AP2B1: variants seen among roughly 807,000 people sequenced by gnomAD.
AP2B1 encodes the protein AP-2 complex subunit beta.
A neutral mutation model predicts 102.0 loss-of-function variants in AP2B1; 23 were observed. The observed-to-expected ratio is 0.23, with a 90% CI of 0.16 to 0.32. The LOEUF is 0.32. AP2B1 is among the 10% of genes least tolerant of loss of function. AP2B1 has a pLI of 1.00. For synonymous variants in AP2B1, 381 were observed against 421.2 expected, an observed-to-expected ratio of 0.90 and a Z score of 1.17; for missense variants, 541 against 1,157.4, an observed-to-expected ratio of 0.47 and a Z score of 7.73.
intron 18 of AP2B1, among the ~76,000 whole-genome samples, chr17:35,700,945 T>C (rs8067294): frequency 0.5 from 75,743 of 152,078 alleles, 18,917 homozygotes; most frequent in East Asian, 0.52. Context: ...AATATTGTTA[T>C]GGTCACATGT....
rs1227680060 is a variant in AP2B1, at chr17:35,605,723, A to G, written c.162A>G (p.Val54=). 6 of 1,612,916 alleles carry G rather than the reference A, an allele frequency of 3.7e-6. No individual in the cohort carries two copies. The highest frequency in any genetic ancestry group is 1.3e-5 in the African/African-American group (1 of 74,980). The part of the protein sequence containing the change: ...GKDVSSLFPD[V]VNCMQTDNLE... The stretch of plus-strand genomic sequence containing the variant: ...TTCTCAGTTCTCTCTTTCCAGACGT[A>G]GTGAACTGTATGCAGACTGACAATC... The change falls in exon 4 of 22, where the codon GTA becomes GTG. Residue 54 remains valine, a synonymous_variant. Transcript: ENST00000610402.
chr17:35,650,268 T>C (rs1243891486), intron 12 of AP2B1, among the ~76,000 whole-genome samples: 1 of 152,072 alleles, frequency 6.6e-6, no homozygotes, highest in Non-Finnish European at 1.5e-5. Flanking sequence ...TGATTTTTTA[T>C]ATTTTTTGTA....
In AP2B1 at chr17:35,626,976, G is replaced by T. The variant is rs563349344; in HGVS notation, c.938+134G>T. ...AAAATGTTATATGGCAGAAAAACTT[G>T]CTTGCCTAGCACCAGGAGGCTAACA... On this transcript the variant is annotated intron_variant, in intron 7 of 21. Transcript: ENST00000610402. 7.0e-5 allele frequency: 59 copies of T among 840,662 alleles called. 1 individual carries two copies. In the South Asian group the frequency reaches 1.0e-3, roughly 14 times the overall value. The allele number at this position is 840,662 out of a possible 1,614,324, so 52.1% of individuals were successfully genotyped here. A position where few individuals can be genotyped will look rare whatever the true frequency, so the allele number is the denominator to read the frequency against.
chr17:35,717,172 G>A (rs1555590327), intron 20 of AP2B1, 23 bp from the exon 21 acceptor site: 2 of 1,611,376 alleles, frequency 1.2e-6, no homozygotes, highest in Non-Finnish European at 1.7e-6. Context: ...TGAAGGTGTT[G>A]GATTTTGAAT....
chr17:35,647,889 T>A (rs2074978579), intron 12 of AP2B1, among the ~76,000 whole-genome samples: 1 of 39,100 alleles, frequency 2.6e-5, no homozygotes, highest in Non-Finnish European at 4.3e-5. Flanking sequence ...TTTTGGGGGT[T>A]TGTTTTTTTT....
chr17:35,709,092 T>G (rs1456591165), intron 18 of AP2B1, 132 bp from the exon 19 acceptor site: 1 of 736,318 alleles, frequency 1.4e-6, no homozygotes, highest in East Asian at 2.7e-5. Context: ...CCAGTTTGTT[T>G]GATTTGGGGA....
At chr17:35,646,010 T>TA (rs2074922820) in intron 12 of AP2B1, among the ~76,000 whole-genome samples, 1 of 152,252 alleles carries the variant, frequency 6.6e-6, no homozygotes, top group South Asian at 2.1e-4. Context: ...TACTAGGCCC[T>TA]ACTTTTGATG....
chr17:35,610,790 C>G (rs1373712242), intron 5 of AP2B1, among the ~76,000 whole-genome samples: 1 of 151,900 alleles, frequency 6.6e-6, no homozygotes, highest in Non-Finnish European at 1.5e-5. Context: ...GCCTATCGTC[C>G]CAGCTACTCA....
At position 35,723,778 on chromosome 17, in the gene AP2B1, T is replaced by C; in HGVS notation, c.*79T>C. On this transcript the variant is annotated 3_prime_UTR_variant, in exon 22 of 22. Transcript: ENST00000610402. ...TCTTAACTGGAAGAAATTGTATTGC[T>C]GCGTAGAATCTGAACACACTGAGGC... is the stretch of plus-strand genomic sequence containing the variant. 9.0e-7 allele frequency: 1 copy of C among 1,112,264 alleles called. No homozygotes were observed. The highest frequency in any genetic ancestry group is 1.4e-6 in the Non-Finnish European group (1 of 728,426). 68.9% of individuals were successfully genotyped at this position (1,112,264 alleles called of 1,614,324 possible). A position where few individuals can be genotyped will look rare whatever the true frequency, so the allele number is the denominator to read the frequency against.
At chr17:35,641,490 A>G (rs1413743805) in intron 11 of AP2B1, among the ~76,000 whole-genome samples, 1 of 152,074 alleles carries the variant, frequency 6.6e-6, no homozygotes, top group Non-Finnish European at 1.5e-5. Flanking sequence ...AGGCAGGAGG[A>G]TTGCTTGAGT....
intron 9 of AP2B1, among the ~76,000 whole-genome samples, chr17:35,634,607 T>C (rs1328293068): frequency 6.6e-6 from 1 of 152,230 alleles, no homozygotes; most frequent in African/African-American, 2.4e-5. Flanking sequence ...AACTCCATTT[T>C]ATAGATTAAT....
intron 12 of AP2B1, 65 bp from the exon 13 acceptor site, chr17:35,650,465 G>A: frequency 1.3e-6 from 2 of 1,557,794 alleles, no homozygotes; most frequent in African/African-American, 1.4e-5. Flanking sequence ...GATAAATCCA[G>A]CAGTTTGGGT....
intron 12 of AP2B1, among the ~76,000 whole-genome samples, chr17:35,645,247 T>A (rs2142770642): frequency 6.6e-6 from 1 of 152,266 alleles, no homozygotes; most frequent in South Asian, 2.1e-4. Context: ...TAACTTAAAT[T>A]GGGTAGTGAG....
intron 3 of AP2B1, among the ~76,000 whole-genome samples, chr17:35,598,855 C>G (rs899871331): frequency 2.6e-5 from 4 of 152,180 alleles, no homozygotes; most frequent in African/African-American, 7.2e-5. Context: ...TAAGGATTAT[C>G]CTAAGACCCT....
At chr17:35,685,954 G>C (rs1490513831) in intron 18 of AP2B1, among the ~76,000 whole-genome samples, 2 of 152,098 alleles carry the variant, frequency 1.3e-5, no homozygotes, top group Non-Finnish European at 2.9e-5. Flanking sequence ...TAGAGACGGG[G>C]TTTCACCAAT....
chr17:35,664,011 AGCC>A (rs1555572292), intron 14 of AP2B1, among the ~76,000 whole-genome samples: 8 of 152,306 alleles, frequency 5.3e-5, no homozygotes, highest in Middle Eastern at 3.4e-3. Flanking sequence ...CTCCCACCTC[AGCC>A]TCCCAAAGTG....
Position 35,722,020 on chromosome 17 carries a change from C to T in AP2B1, c.2782-1605C>T, listed in dbSNP as rs148315365. Among the ~76,000 whole-genome samples the T allele has an allele frequency of 4.6e-3, 698 of 152,218 alleles. 6 individuals carry two copies. Among genetic ancestry groups the T allele is most frequent in the African/African-American group, 0.015 (641 of 41,534 alleles). Reference sequence around the variant, plus strand: ...TTTTGGGAGGCCGAGGTGGGTGGATCACCTGAGGTCAAGAGTTCGAGACCA... The same window carrying T: ...TTTTGGGAGGCCGAGGTGGGTGGATTACCTGAGGTCAAGAGTTCGAGACCA... On this transcript the variant is annotated intron_variant, in intron 21 of 21. Coordinates refer to ENST00000610402, the MANE Select transcript of AP2B1 (RefSeq NM_001030006.2).
intron 15 of AP2B1, 129 bp from the exon 16 acceptor site, chr17:35,671,622 ACTC>A (rs1327210190): frequency 3.4e-6 from 3 of 880,016 alleles, no homozygotes; most frequent in Non-Finnish European, 5.3e-6. Flanking sequence ...TACTAATTTG[ACTC>A]CTAAGAATAT....
At chr17:35,608,963 A>G (rs865832288) in intron 5 of AP2B1, among the ~76,000 whole-genome samples, 3 of 152,192 alleles carry the variant, frequency 2.0e-5, no homozygotes, top group Admixed American at 1.3e-4. Context: ...CCCAAGTGAT[A>G]TGTTTGACTC....
Sources: gnomAD v4.1 joint callset for allele counts (sites outside exome capture counted in the v4.1 genomes callset) on GRCh38, gnomAD v4.1.1 for gene constraint, MANE v1.5 for transcripts, NCBI Gene and HGNC (gene_info 2026-07-23, HGNC 2026-07-21) for gene names.